MEI1: variants seen among roughly 807,000 people sequenced by gnomAD.
The protein encoded by MEI1 is meiosis inhibitor protein 1.
A neutral mutation model predicts 146.2 loss-of-function variants in MEI1; 103 were observed. The observed-to-expected ratio is 0.70, with a 90% CI of 0.60 to 0.83. MEI1 has a LOEUF of 0.83. MEI1 is among the 40% of genes least tolerant of loss of function. The probability of loss-of-function intolerance (pLI) is 0.00; values close to 1 mark genes in which losing one functional copy is unlikely to be tolerated. For synonymous variants in MEI1, 652 were observed against 628.2 expected (o/e 1.04, Z -0.57); for missense variants, 1,529 against 1,533.0 (o/e 1.00, Z 0.04).
chr22:41,785,215 G>C (rs991276894), intron 26 of MEI1, among the ~76,000 whole-genome samples: 1 of 151,458 alleles, frequency 6.6e-6, no homozygotes, highest in East Asian at 1.9e-4. Flanking sequence ...GATTACAGAC[G>C]TGAGCCACCG....
chr22:41,767,663 G>T (rs549807377), intron 19 of MEI1: 1 of 451,644 alleles, frequency 2.2e-6, no homozygotes, highest in Non-Finnish European at 4.5e-6. Flanking sequence ...CAACATTTCA[G>T]CTACTCAACC....
At chr22:41,732,730 A>C in intron 11 of MEI1, 127 bp downstream of exon 11, 1 of 1,054,438 alleles carries the variant, frequency 9.5e-7, no homozygotes, top group African/African-American at 1.6e-5. Flanking sequence ...GCCCTTCATA[A>C]TTGTGGATTC....
intron 22 of MEI1, among the ~76,000 whole-genome samples, 182 bp from the exon 23 acceptor site, chr22:41,781,102 G>A (rs2075736689): frequency 3.9e-5 from 6 of 152,244 alleles, no homozygotes; most frequent in Admixed American, 3.9e-4. Context: ...TGTCTAGATG[G>A]AGGGTGTGAA....
chr22:41,733,166 T>C (rs1345006305), intron 11 of MEI1, among the ~76,000 whole-genome samples: 2 of 151,930 alleles, frequency 1.3e-5, no homozygotes, highest in Non-Finnish European at 2.9e-5. Context: ...CAATACAGTA[T>C]ACGTTGGACA....
intron 19 of MEI1, among the ~76,000 whole-genome samples, chr22:41,765,715 CAG>C (rs951952582): frequency 7.2e-5 from 11 of 151,762 alleles, no homozygotes; most frequent in African/African-American, 2.2e-4. Context: ...AAATAATTTT[CAG>C]AGAGTCATTT....
intron 16 of MEI1, among the ~76,000 whole-genome samples, chr22:41,753,386 C>T (rs560562272): frequency 6.6e-4 from 101 of 152,054 alleles, no homozygotes; most frequent in African/African-American, 2.3e-3. Context: ...GAGGCTGAGG[C>T]GAGAGGATCC....
chr22:41,783,901 T>G (rs1041539749), intron 24 of MEI1, among the ~76,000 whole-genome samples: 1 of 152,162 alleles, frequency 6.6e-6, no homozygotes, highest in African/African-American at 2.4e-5. Flanking sequence ...CAGGCTGGTC[T>G]TGAACTCCTG....
chr22:41,706,269 T>C (rs7287751), intron 3 of MEI1, among the ~76,000 whole-genome samples: 2,476 of 152,008 alleles, frequency 0.016, 49 homozygotes, highest in Admixed American at 0.058. Context: ...TCCTCCTGCT[T>C]GGCTTCCCAA....
chr22:41,793,032 C>CTTTTTTTTTTTTTTTTTTT (rs869223251), intron 26 of MEI1, among the ~76,000 whole-genome samples: 2 of 48,452 alleles, frequency 4.1e-5, no homozygotes, highest in Non-Finnish European at 1.1e-4. Flanking sequence ...ACAAAGCATT[C>CTTTTTTTTTTTTTTTTTTT]TTTTTTTTTT....
At chr22:41,770,575 C>T (rs1051426647) in intron 19 of MEI1, 111 bp from the exon 20 acceptor site, 5 of 1,050,636 alleles carry the variant, frequency 4.8e-6, no homozygotes, top group Non-Finnish European at 6.8e-6. Flanking sequence ...GCCAAGGTGT[C>T]CTGGAATACT....
At chr22:41,727,845 T>C (rs1256713535) in intron 7 of MEI1, among the ~76,000 whole-genome samples, 1 of 152,152 alleles carries the variant, frequency 6.6e-6, no homozygotes. Context: ...TGTGAAACCT[T>C]ACCTACTGAG....
At chr22:41,744,096 C>T (rs1350300283) in intron 12 of MEI1, among the ~76,000 whole-genome samples, 1 of 151,900 alleles carries the variant, frequency 6.6e-6, no homozygotes, top group Non-Finnish European at 1.5e-5. Flanking sequence ...AGGCTGGTCT[C>T]GAACTCCTGA....
In MEI1 at chr22:41,730,321, TAAA is replaced by T. The variant is rs879230979; in HGVS notation, c.980-197_980-195del. Among the ~76,000 whole-genome samples, 4 of 152,302 alleles carry T rather than the reference TAAA, an allele frequency of 2.6e-5. No individual in the cohort carries two copies. The South Asian group carries it at 6.2e-4, about 24-fold the overall frequency. ...TCTGGGACTCAGTTTCCCCACCTGTTAAAAAGAAGAGGTTAAACCATAACCAAG... is the reference window on the plus strand; with the variant it reads ...TCTGGGACTCAGTTTCCCCACCTGTTAAGAAGAGGTTAAACCATAACCAAG... On this transcript the variant is annotated intron_variant, in intron 8 of 30. Transcript: ENST00000401548.
chr22:41,791,332 C>A (rs2076176509), intron 26 of MEI1, among the ~76,000 whole-genome samples: 1 of 151,878 alleles, frequency 6.6e-6, no homozygotes, highest in Admixed American at 6.6e-5. Context: ...ATAAAAAATA[C>A]AAAAAATTAG....
chr22:41,750,026 G>T (rs1026243545), intron 15 of MEI1, among the ~76,000 whole-genome samples: 1 of 152,158 alleles, frequency 6.6e-6, no homozygotes, highest in South Asian at 2.1e-4. Flanking sequence ...TATAGGTATA[G>T]AAATCTTCAG....
intron 7 of MEI1, among the ~76,000 whole-genome samples, chr22:41,726,025 A>C (rs2071320340): frequency 6.6e-6 from 1 of 152,164 alleles, no homozygotes. Context: ...CATGCCTGTA[A>C]TCCCAGCACT....
intron 15 of MEI1, among the ~76,000 whole-genome samples, chr22:41,748,687 T>A (rs1167287206): frequency 1.3e-5 from 2 of 152,224 alleles, no homozygotes; most frequent in Non-Finnish European, 2.9e-5. Flanking sequence ...CTATTATGAT[T>A]GTACTCATTC....
chr22:41,716,667 C>T (rs1246494450), intron 5 of MEI1, among the ~76,000 whole-genome samples: 2 of 146,372 alleles, frequency 1.4e-5, no homozygotes, highest in African/African-American at 5.0e-5. Context: ...TGAGCCACCA[C>T]GCTGGCCTTC....
In MEI1 at chr22:41,794,458, T is replaced by C. The variant is rs2076294755; in HGVS notation, c.3515T>C (p.Ile1172Thr). The change falls in exon 28 of 31, where the codon ATT (isoleucine) becomes ACT (threonine). Residue 1172 changes from isoleucine (I) to threonine (T), a missense_variant. Transcript: ENST00000401548. Reference sequence around the variant, plus strand: ...GAGAATTCCTTCCTCAGACCTGAGATTTTGAGGCTCATGACCCTGGTAAGT... The same window carrying C: ...GAGAATTCCTTCCTCAGACCTGAGACTTTGAGGCTCATGACCCTGGTAAGT... The part of the protein sequence containing the change: ...AGENSFLRPE[I>T]LRLMTLFMRY... 6.2e-7 allele frequency: 1 copy of C among 1,613,500 alleles called. No individual in the cohort carries two copies. The highest frequency in any genetic ancestry group is 1.1e-5 in the South Asian group (1 of 91,078).
Sources: allele counts gnomAD v4.1 joint callset (sites outside exome capture counted in the v4.1 genomes callset), GRCh38; gene constraint gnomAD v4.1.1; transcripts MANE v1.5; gene names NCBI Gene and HGNC (gene_info 2026-07-23, HGNC 2026-07-21).